Variants in EFHC2 observed in about 807,000 individuals in gnomAD.
EFHC2 encodes EF-hand domain containing 2, also known as EF-hand domain-containing family member C2.
Under a neutral mutation model 52.7 loss-of-function variants are expected in EFHC2, and 18 were observed. That is an observed-to-expected ratio of 0.34 (90% CI 0.24 to 0.51). The LOEUF is 0.51. EFHC2 is among the 20% of genes least tolerant of loss of function. The pLI is 0.97. For missense variants in EFHC2, 513 were observed against 562.5 expected (o/e 0.91, Z 0.89); for synonymous variants, 203 against 204.1 (o/e 0.99, Z 0.04).
intron 1 of EFHC2, among the ~76,000 whole-genome samples, chrX:44,315,828 T>TAA (rs200070160): frequency 5.4e-5 from 6 of 110,590 alleles, no homozygotes; most frequent in African/African-American, 2.0e-4. Flanking sequence ...GCGAATCTGG[T>TAA]AAAAAAAGAA....
In EFHC2 at chrX:44,341,298, A is replaced by G. The variant is rs140746771; in HGVS notation, c.42+2249T>C. 5.5e-4 allele frequency among the ~76,000 whole-genome samples: 62 copies of G among 112,581 alleles called. 1 individual carries two copies. Among genetic ancestry groups the G allele is most frequent in the Admixed American group, 4.4e-3 (47 of 10,640 alleles). Reference sequence around the variant, plus strand: ...AAAGGTTCATAGGTAGAGTTGTCACATAAAATACAAGATTCTCAGTTAAAT... The same window carrying G: ...AAAGGTTCATAGGTAGAGTTGTCACGTAAAATACAAGATTCTCAGTTAAAT... On this transcript the variant is annotated intron_variant, in intron 1 of 14. Coordinates refer to ENST00000420999, the MANE Select transcript of EFHC2 (RefSeq NM_025184.4).
At chrX:44,279,993 C>T (rs2037689848) in intron 2 of EFHC2, among the ~76,000 whole-genome samples, 1 of 106,449 alleles carries the variant, frequency 9.4e-6, no homozygotes, top group African/African-American at 3.5e-5. Flanking sequence ...CCACCACCAG[C>T]CCCCCAACCC....
At chrX:44,316,670 T>C (rs2037984976) in intron 1 of EFHC2, among the ~76,000 whole-genome samples, 1 of 109,319 alleles carries the variant, frequency 9.1e-6, no homozygotes, top group Admixed American at 9.6e-5. Flanking sequence ...CCCTGGGCAA[T>C]AGAGTGAGAT....
chrX:44,209,824 G>A (rs1488359560), intron 11 of EFHC2, among the ~76,000 whole-genome samples: 1 of 108,923 alleles, frequency 9.2e-6, no homozygotes, highest in East Asian at 2.9e-4. Context: ...CCTATCAGAT[G>A]AGCAGCAACA....
chrX:44,152,150 A>C (rs1489680855), intron 14 of EFHC2, among the ~76,000 whole-genome samples: 1 of 111,775 alleles, frequency 8.9e-6, no homozygotes, highest in Non-Finnish European at 1.9e-5. Context: ...AATAACAATA[A>C]ATTTATTGGA....
chrX:44,274,567 AC>A (rs2037641058), intron 2 of EFHC2, among the ~76,000 whole-genome samples: 1 of 111,798 alleles, frequency 8.9e-6, no homozygotes, highest in African/African-American at 3.3e-5. Context: ...TGTGTTGGAC[AC>A]TTTAAAATGG....
intron 2 of EFHC2, among the ~76,000 whole-genome samples, chrX:44,279,727 A>C (rs1372964092): frequency 2.7e-5 from 3 of 110,955 alleles, no homozygotes; most frequent in Admixed American, 9.7e-5. Context: ...AAAAATTACC[A>C]AAGAATTGCC....
chrX:44,201,976 A>G lies in EFHC2; in HGVS notation c.1752-23412T>C, dbSNP rs77656487. On this transcript the variant is annotated intron_variant, in intron 11 of 14. Coordinates refer to ENST00000420999, the MANE Select transcript of EFHC2 (RefSeq NM_025184.4). ...TCTTTTGTAAGGTAAGGAAAAAGACAAGGAGATCTGCTATTACTACTCACA... is the reference window on the plus strand; with the variant it reads ...TCTTTTGTAAGGTAAGGAAAAAGACGAGGAGATCTGCTATTACTACTCACA... Among the ~76,000 whole-genome samples, 224 of 111,902 alleles carry G rather than the reference A, an allele frequency of 2.0e-3. 2 individuals are homozygous for G. In the East Asian group the frequency reaches 0.035, roughly 17 times the overall value.
chrX:44,323,051 A>T (rs761954277), intron 1 of EFHC2, among the ~76,000 whole-genome samples: 5 of 111,363 alleles, frequency 4.5e-5, no homozygotes, highest in South Asian at 7.6e-4. Flanking sequence ...TTACTAACCA[A>T]CCCAAGAGCT....
intron 1 of EFHC2, among the ~76,000 whole-genome samples, chrX:44,313,071 C>T (rs753635139): frequency 3.6e-4 from 36 of 99,007 alleles, no homozygotes; most frequent in Non-Finnish European, 6.6e-4. Flanking sequence ...GTCTTTCCTA[C>T]TTGTTTGCCA....
chrX:44,274,244 T>C (rs1329442589), intron 2 of EFHC2, among the ~76,000 whole-genome samples: 1 of 112,491 alleles, frequency 8.9e-6, no homozygotes, highest in Middle Eastern at 4.2e-3. Context: ...TTGGCTTCAT[T>C]CCCAAATAGT....
intron 2 of EFHC2, among the ~76,000 whole-genome samples, chrX:44,306,624 G>A (rs904854942): frequency 1.2e-4 from 14 of 112,032 alleles, no homozygotes; most frequent in Admixed American, 7.6e-4. Flanking sequence ...GGGGCCATGC[G>A]GGATAACAAA....
At chrX:44,161,616 G>A (rs1230531112) in intron 14 of EFHC2, among the ~76,000 whole-genome samples, 1 of 112,033 alleles carries the variant, frequency 8.9e-6, no homozygotes, top group Admixed American at 9.4e-5. Context: ...ACAAAGGTCA[G>A]CTGCCAAGGA....
At chrX:44,217,417 C>T (rs576627055) in intron 11 of EFHC2, among the ~76,000 whole-genome samples, 29 of 111,959 alleles carry the variant, frequency 2.6e-4, no homozygotes, top group African/African-American at 9.1e-4. Flanking sequence ...GAGATATCTG[C>T]ACTTTCATGT....
intron 13 of EFHC2, among the ~76,000 whole-genome samples, 188 bp from the exon 14 acceptor site, chrX:44,164,215 C>T: frequency 8.9e-6 from 1 of 111,945 alleles, no homozygotes; most frequent in Non-Finnish European, 1.9e-5. Flanking sequence ...GGGATCTTGC[C>T]TATCTAATTC....
Position 44,242,217 on chromosome X carries a change from T to C in EFHC2, c.1184A>G (p.Asn395Ser). The C allele has an allele frequency of 8.3e-7, 1 of 1,206,378 alleles. No individual in the cohort carries two copies. The highest frequency in any genetic ancestry group is 1.8e-5 in the South Asian group (1 of 55,890). ...PKIERKFPPY[N>S]GFGSEEDSLR... ...AGAATCCTCTTCAGAACCAAAACCG[T>C]TGTAAGGTGGAAATTTCCTTTCTAT... Residue 395 changes from asparagine (N) to serine (S), a missense_variant, in exon 8 of 15, where the codon AAC becomes AGC. By Grantham distance (46) the Asn-to-Ser change is conservative. Transcript: ENST00000420999.
intron 1 of EFHC2, among the ~76,000 whole-genome samples, chrX:44,330,483 T>C (rs1419436818): frequency 1.8e-5 from 2 of 111,349 alleles, no homozygotes; most frequent in East Asian, 5.7e-4. Flanking sequence ...GTATTCAGAA[T>C]GCATAAAGAA....
chrX:44,330,120 G>A (rs771259294), intron 1 of EFHC2, among the ~76,000 whole-genome samples: 4 of 103,693 alleles, frequency 3.9e-5, no homozygotes, highest in African/African-American at 7.1e-5. Flanking sequence ...AGCCTGGTAC[G>A]GTGGTGCACA....
chrX:44,193,913 G>A (rs1394789425), intron 11 of EFHC2, among the ~76,000 whole-genome samples: 2 of 111,813 alleles, frequency 1.8e-5, no homozygotes, highest in Non-Finnish European at 3.8e-5. Context: ...GAGGGGCAGA[G>A]TAAAAGCTGG....
Sources: gnomAD v4.1 joint callset for allele counts (sites outside exome capture counted in the v4.1 genomes callset) on GRCh38, gnomAD v4.1.1 for gene constraint, MANE v1.5 for transcripts, NCBI Gene and HGNC (gene_info 2026-07-23, HGNC 2026-07-21) for gene names.